COMMD10: variants seen among roughly 807,000 people sequenced by gnomAD.
COMMD10 encodes the protein COMM domain containing 10, also known as COMM domain-containing protein 10.
Under a neutral mutation model 28.9 loss-of-function variants are expected in COMMD10, and 33 were observed. The ratio of observed to expected loss-of-function variants is 1.14; its 90% CI spans 0.87 to 1.53. The LOEUF is 1.53. COMMD10 is among the 40% of genes most tolerant of loss of function. The pLI, the probability that COMMD10 is intolerant of heterozygous loss-of-function variation, is 0.00. For missense variants in COMMD10, 310 were observed against 233.4 expected (o/e 1.33, Z -2.14); for synonymous variants, 110 against 81.7 (o/e 1.35, Z -1.87).
At chr5:116,289,672 G>C (rs980391118) in intron 5 of COMMD10, among the ~76,000 whole-genome samples, 2 of 151,864 alleles carry the variant, frequency 1.3e-5, no homozygotes, top group South Asian at 4.1e-4. Context: ...CTGGCATGGG[G>C]GGTGGTGGGT....
chr5:116,232,126 A>G (rs1316331420), intron 5 of COMMD10, among the ~76,000 whole-genome samples: 1 of 152,168 alleles, frequency 6.6e-6, no homozygotes, highest in Non-Finnish European at 1.5e-5. Context: ...TTCTGATGCT[A>G]AACAGCATGT....
chr5:116,224,821 C>G (rs1016947127), intron 5 of COMMD10, among the ~76,000 whole-genome samples: 1 of 152,098 alleles, frequency 6.6e-6, no homozygotes, highest in Non-Finnish European at 1.5e-5. Flanking sequence ...ATTTTGTTGG[C>G]ATTACATTTT....
intron 5 of COMMD10, among the ~76,000 whole-genome samples, chr5:116,232,637 A>G (rs1035730705): frequency 1.3e-5 from 2 of 152,094 alleles, no homozygotes; most frequent in Non-Finnish European, 2.9e-5. Flanking sequence ...AGGGGGGCAG[A>G]GGTTGCAGTG....
chr5:116,255,347 T>G (rs371425094), intron 5 of COMMD10, among the ~76,000 whole-genome samples: 54 of 151,770 alleles, frequency 3.6e-4, no homozygotes, highest in East Asian at 3.1e-3. Context: ...CATTATGATG[T>G]TAGCTGGTTA....
At chr5:116,157,939 CTT>C (rs76882415) in intron 5 of COMMD10, among the ~76,000 whole-genome samples, 21 of 138,046 alleles carry the variant, frequency 1.5e-4, no homozygotes, top group Non-Finnish European at 2.2e-4. Context: ...CTTTCCTTTA[CTT>C]TTTTTTTTTT....
intron 5 of COMMD10, among the ~76,000 whole-genome samples, chr5:116,165,915 G>C (rs1377776902): frequency 2.0e-5 from 3 of 152,042 alleles, no homozygotes; most frequent in Non-Finnish European, 4.4e-5. Context: ...AATAATACTT[G>C]ATTACCCTTT....
chr5:116,258,335 T>G (rs72806933), intron 5 of COMMD10, among the ~76,000 whole-genome samples: 8,016 of 151,896 alleles, frequency 0.053, 301 homozygotes, highest in East Asian at 0.14. Flanking sequence ...GCTTTTGTAT[T>G]TTAATTTTAG....
At chr5:116,216,249 T>C (rs890503835) in intron 5 of COMMD10, among the ~76,000 whole-genome samples, 1 of 152,240 alleles carries the variant, frequency 6.6e-6, no homozygotes, top group African/African-American at 2.4e-5. Context: ...AGACGCAAAT[T>C]AATCAGAAAA....
intron 5 of COMMD10, among the ~76,000 whole-genome samples, chr5:116,137,675 T>C (rs1389632880): frequency 2.0e-5 from 3 of 151,972 alleles, no homozygotes; most frequent in Non-Finnish European, 4.4e-5. Context: ...TCTTTTTCAC[T>C]TCTAACATAC....
chr5:116,215,214 G>T (rs879745286), intron 5 of COMMD10, among the ~76,000 whole-genome samples: 1 of 151,922 alleles, frequency 6.6e-6, no homozygotes, highest in Non-Finnish European at 1.5e-5. Context: ...TAAAAAATTT[G>T]GGTGTTATGG....
chr5:116,157,939 C>CCTTTTTTTTTTTTTT (rs1378166017), intron 5 of COMMD10, among the ~76,000 whole-genome samples: 1 of 138,102 alleles, frequency 7.2e-6, no homozygotes, highest in Non-Finnish European at 1.6e-5. Flanking sequence ...CTTTCCTTTA[C>CCTTTTTTTTTTTTTT]TTTTTTTTTT....
Position 116,212,784 on chromosome 5 carries a change from A to G in COMMD10, c.510+78606A>G, listed in dbSNP as rs563618027. 2.9e-3 allele frequency among the ~76,000 whole-genome samples: 444 copies of G among 152,244 alleles called. 1 individual carries two copies. The highest frequency in any genetic ancestry group is 3.9e-3 in the Non-Finnish European group (265 of 68,012). On this transcript the variant is annotated intron_variant, in intron 5 of 6. Transcript: ENST00000274458. ...TAACTTAGTACAAACATCGAAGGCT[A>G]TCAGAAAATGTATGTTAGAATTTTA...
intron 5 of COMMD10, among the ~76,000 whole-genome samples, chr5:116,225,405 A>G (rs191356328): frequency 1.9e-4 from 27 of 145,142 alleles, no homozygotes; most frequent in African/African-American, 6.6e-4. Flanking sequence ...AAAACTAGAC[A>G]TTGGGAAACA....
chr5:116,105,387 G>A (rs900372893), intron 4 of COMMD10, among the ~76,000 whole-genome samples: 12 of 152,120 alleles, frequency 7.9e-5, no homozygotes, highest in Admixed American at 5.9e-4. Context: ...TTTTTGCATT[G>A]ATGTTCATCA....
intron 4 of COMMD10, among the ~76,000 whole-genome samples, chr5:116,107,505 C>T (rs189701560): frequency 9.9e-5 from 15 of 152,164 alleles, no homozygotes; most frequent in Admixed American, 7.9e-4. Context: ...ATGAAGTTCT[C>T]GTGCTGTGTT....
chr5:116,256,434 G>A (rs1750288401), intron 5 of COMMD10, among the ~76,000 whole-genome samples: 1 of 151,596 alleles, frequency 6.6e-6, no homozygotes, highest in South Asian at 2.1e-4. Context: ...TGTATTTTGG[G>A]TGCTGTAGAA....
At chr5:116,250,509 A>G (rs1750081304) in intron 5 of COMMD10, among the ~76,000 whole-genome samples, 1 of 151,678 alleles carries the variant, frequency 6.6e-6, no homozygotes, top group Non-Finnish European at 1.5e-5. Context: ...TTGAAGATGG[A>G]GGGCTGAGCA....
intron 5 of COMMD10, among the ~76,000 whole-genome samples, chr5:116,220,872 G>C (rs1192260716): frequency 6.6e-6 from 1 of 152,034 alleles, no homozygotes; most frequent in African/African-American, 2.4e-5. Flanking sequence ...ATTAATCAGG[G>C]AAGAAGGGAT....
At position 116,206,623 on chromosome 5, in the gene COMMD10, G is replaced by A. The variant is rs376052455; in HGVS notation, c.510+72445G>A. On this transcript the variant is annotated intron_variant, in intron 5 of 6. Coordinates refer to ENST00000274458, the MANE Select transcript of COMMD10 (RefSeq NM_016144.4). Reference sequence around the variant, plus strand: ...GCCAAGATAGTGCCATTGTACTCCAGCTTGGGCAACAAGAGTGAAACTCCA... The same window carrying A: ...GCCAAGATAGTGCCATTGTACTCCAACTTGGGCAACAAGAGTGAAACTCCA... Among the ~76,000 whole-genome samples the A allele has an allele frequency of 6.9e-4, 105 of 152,030 alleles. 2 individuals are homozygous for A. The East Asian group carries it at 9.5e-3, about 14-fold the overall frequency.
Sources: allele counts gnomAD v4.1 joint callset (sites outside exome capture counted in the v4.1 genomes callset), GRCh38; gene constraint gnomAD v4.1.1; transcripts MANE v1.5; gene names NCBI Gene and HGNC (gene_info 2026-07-23, HGNC 2026-07-21).